MIA2: variants seen among roughly 807,000 people sequenced by gnomAD.
MIA2 encodes MIA SH3 domain ER export factor 2.
MIA2 carries 127 observed loss-of-function variants against 167.8 expected under a neutral mutation model. The ratio of observed to expected loss-of-function variants is 0.76; its 90% CI spans 0.66 to 0.88. The LOEUF (loss-of-function observed/expected upper bound fraction) is 0.88. Among genes scored for constraint, MIA2 ranks in the 40% least tolerant of loss-of-function variants. MIA2 has a pLI of 0.00. For missense variants in MIA2, 1,690 were observed against 1,624.7 expected, an observed-to-expected ratio of 1.04 and a Z score of -0.69; for synonymous variants, 552 against 541.9, an observed-to-expected ratio of 1.02 and a Z score of -0.26.
chr14:39,307,172 A>G (rs1365065298), intron 17 of MIA2, among the ~76,000 whole-genome samples: 1 of 152,052 alleles, frequency 6.6e-6, no homozygotes, highest in Non-Finnish European at 1.5e-5. Flanking sequence ...AGTATTATTA[A>G]GAGAGAAAGT....
intron 6 of MIA2, among the ~76,000 whole-genome samples, chr14:39,255,666 T>C (rs575224202): frequency 1.3e-5 from 2 of 152,320 alleles, no homozygotes; most frequent in African/African-American, 4.8e-5. Flanking sequence ...TGCTGACCTC[T>C]TAATCCCCTC....
intron 9 of MIA2, among the ~76,000 whole-genome samples, chr14:39,288,454 TATATA>T (rs1566747321): frequency 0.011 from 151 of 13,880 alleles, 14 homozygotes; most frequent in African/African-American, 0.02. Flanking sequence ...TATATATATA[TATATA>T]TATATATATA....
At chr14:39,307,804 T>G (rs1488406498) in intron 17 of MIA2, among the ~76,000 whole-genome samples, 1 of 152,156 alleles carries the variant, frequency 6.6e-6, no homozygotes, top group Non-Finnish European at 1.5e-5. Context: ...TGTGGCAACA[T>G]GAGTGAGCCT....
chr14:39,349,371 A>G (rs571910467), intron 28 of MIA2, among the ~76,000 whole-genome samples: 25 of 152,212 alleles, frequency 1.6e-4, no homozygotes, highest in African/African-American at 5.1e-4. Flanking sequence ...AGTCTTTTTC[A>G]TAAGTAGTTC....
intron 10 of MIA2, 151 bp downstream of exon 10, chr14:39,291,247 A>G: frequency 3.5e-6 from 2 of 575,636 alleles, no homozygotes; most frequent in South Asian, 6.0e-5. Flanking sequence ...TAATATAGGA[A>G]ATGGGACAAT....
At chr14:39,302,325 AC>A (rs899121783) in intron 15 of MIA2, 76 bp downstream of exon 15, 1 of 1,517,610 alleles carries the variant, frequency 6.6e-7, no homozygotes. Context: ...CCCTGTGTGC[AC>A]CATGTTCTTT....
rs1364634939 is a variant in MIA2, at chr14:39,299,943, T to A, written c.2576T>A (p.Val859Glu). The change falls in exon 14 of 29, where the codon GTA becomes GAA. Residue 859 changes from valine (V) to glutamate (E), a missense_variant. Physicochemically the swap from Val to Glu is moderately radical, Grantham distance 121 (BLOSUM62 -2). Coordinates refer to ENST00000640607, the MANE Select transcript of MIA2 (RefSeq NM_001329214.4). ...AAAGTAACATTTGAAGACTCCAAAG[T>A]ACATGCAGAACAAGTTCTAAATGAT... ...KQKVTFEDSK[V>E]HAEQVLNDKE... 6.2e-7 allele frequency: 1 copy of A among 1,609,598 alleles called. No homozygotes were observed. The highest frequency in any genetic ancestry group is 2.3e-5 in the East Asian group (1 of 44,436).
At chr14:39,262,374 T>C (rs2055165113) in intron 6 of MIA2, among the ~76,000 whole-genome samples, 1 of 152,230 alleles carries the variant, frequency 6.6e-6, no homozygotes, top group African/African-American at 2.4e-5. Flanking sequence ...CATTGGTCTA[T>C]ATCTCTGTTT....
chr14:39,356,931 T>A (rs2074543559), intron 23 of MIA2, among the ~76,000 whole-genome samples: 1 of 152,236 alleles, frequency 6.6e-6, no homozygotes, highest in Non-Finnish European at 1.5e-5. Flanking sequence ...TTGTTATAAT[T>A]TCTGTTCTTT....
At chr14:39,370,658 G>A (rs780881132) in intron 23 of MIA2, 112 of 295,090 alleles carry the variant, frequency 3.8e-4, no homozygotes, top group Non-Finnish European at 6.4e-4. Flanking sequence ...TCTGTCGCAC[G>A]TGCTGCATGC....
At chr14:39,238,952 G>T (rs8013291) in intron 2 of MIA2, among the ~76,000 whole-genome samples, 341 of 151,992 alleles carry the variant, frequency 2.2e-3, no homozygotes, top group African/African-American at 7.8e-3. Flanking sequence ...TTGAAAAAAG[G>T]TTTATCTTTG....
chr14:39,278,432 C>T (rs1474729919), intron 7 of MIA2, among the ~76,000 whole-genome samples: 1 of 152,202 alleles, frequency 6.6e-6, no homozygotes, highest in Non-Finnish European at 1.5e-5. Flanking sequence ...TCTTCATCTA[C>T]ACTCATTGTA....
At chr14:39,315,660 A>G (rs1203593280) in intron 20 of MIA2, 23 bp from the exon 21 acceptor site, 5 of 1,529,522 alleles carry the variant, frequency 3.3e-6, no homozygotes, top group South Asian at 2.4e-5. Flanking sequence ...GGTCAGTAGC[A>G]TTTTAATTAC....
intron 9 of MIA2, among the ~76,000 whole-genome samples, chr14:39,285,173 A>G (rs1388250690): frequency 6.6e-6 from 1 of 152,066 alleles, no homozygotes; most frequent in Non-Finnish European, 1.5e-5. Flanking sequence ...CACAGCAACA[A>G]TCTGATTTCT....
At chr14:39,357,170 T>G (rs2074551185) in intron 23 of MIA2, among the ~76,000 whole-genome samples, 1 of 152,244 alleles carries the variant, frequency 6.6e-6, no homozygotes, top group Admixed American at 6.5e-5. Context: ...TCTCCCGTTA[T>G]TATTTTGTGG....
At chr14:39,320,153 C>G (rs931575621) in intron 23 of MIA2, among the ~76,000 whole-genome samples, 1 of 139,736 alleles carries the variant, frequency 7.2e-6, no homozygotes, top group African/African-American at 2.7e-5. Context: ...GTAACTAATG[C>G]TTTGATCTTT....
chr14:39,248,200 A>T (rs931032186), intron 4 of MIA2, 59 bp downstream of exon 4: 2 of 1,190,160 alleles, frequency 1.7e-6, no homozygotes, highest in Non-Finnish European at 2.2e-6. Context: ...ATTTATTTTT[A>T]TAAGTGCAAA....
chr14:39,252,679 A>G, intron 4 of MIA2, 69 bp from the exon 5 acceptor site: 1 of 1,234,616 alleles, frequency 8.1e-7, no homozygotes, highest in Non-Finnish European at 1.1e-6. Flanking sequence ...ACCTGCCTAG[A>G]AAACAAAAGG....
chr14:39,346,331 T>C (rs2073239770), intron 26 of MIA2, among the ~76,000 whole-genome samples: 1 of 152,178 alleles, frequency 6.6e-6, no homozygotes, highest in Admixed American at 6.5e-5. Flanking sequence ...ATGTGTTCTG[T>C]TTAGTAATCA....
Sources: allele counts gnomAD v4.1 joint callset (sites outside exome capture counted in the v4.1 genomes callset), GRCh38; gene constraint gnomAD v4.1.1; transcripts MANE v1.5; gene names NCBI Gene and HGNC (gene_info 2026-07-23, HGNC 2026-07-21).